KIAA1217: variants seen among roughly 807,000 people sequenced by gnomAD.
KIAA1217 encodes the protein sickle tail protein homolog.
Under a neutral mutation model 163.9 loss-of-function variants are expected in KIAA1217, and 88 were observed. That is an observed-to-expected ratio of 0.54 (90% CI 0.45 to 0.64). The LOEUF is 0.64. Ranked by LOEUF, KIAA1217 falls within the 30% of genes least tolerant of loss-of-function variation. The pLI, the probability that KIAA1217 is intolerant of heterozygous loss-of-function variation, is 0.00. For missense variants in KIAA1217, 2,372 were observed against 2,475.0 expected (o/e 0.96, Z 0.88); for synonymous variants, 903 against 923.1 (o/e 0.98, Z 0.39).
intron 1 of KIAA1217, among the ~76,000 whole-genome samples, chr10:23,915,934 G>T (rs975474034): frequency 2.0e-5 from 3 of 152,154 alleles, no homozygotes; most frequent in African/African-American, 4.8e-5. Context: ...GATTTAGGAG[G>T]TGGAAATTCT....
At chr10:24,356,383 A>G (rs2049108885) in intron 2 of KIAA1217, among the ~76,000 whole-genome samples, 1 of 152,242 alleles carries the variant, frequency 6.6e-6, no homozygotes, top group African/African-American at 2.4e-5. Flanking sequence ...TTCTGACCGC[A>G]GGTCCTTCCC....
intron 2 of KIAA1217, among the ~76,000 whole-genome samples, chr10:24,136,265 G>T (rs1329069977): frequency 6.6e-6 from 1 of 152,124 alleles, no homozygotes; most frequent in Non-Finnish European, 1.5e-5. Flanking sequence ...ATGAGTAATT[G>T]ATGCTTGCAA....
At position 24,473,345 on chromosome 10, in the gene KIAA1217, T is replaced by G. The variant is rs755237138; in HGVS notation, c.964T>G (p.Ser322Ala). 2 of 1,597,900 alleles carry G rather than the reference T, an allele frequency of 1.3e-6. No individual in the cohort carries two copies. The highest frequency in any genetic ancestry group is 2.7e-5 in the African/African-American group (2 of 74,558). Residue 322 changes from serine to alanine, a missense_variant, in exon 6 of 21, where the codon TCC (serine) becomes GCC (alanine). By Grantham distance (99) the Ser-to-Ala change is moderately conservative. Transcript: ENST00000376454. ...CCCACCGTCTACTCCAGTGCCCCAT[T>G]CCATGCCCCCCTCCCCGTCCAGAAT... is the stretch of plus-strand genomic sequence containing the variant. Reference protein sequence around the residue: ...NSPPSTPVPHSMPPSPSRIPY... With the variant: ...NSPPSTPVPHAMPPSPSRIPY...
intron 6 of KIAA1217, among the ~76,000 whole-genome samples, chr10:24,479,508 C>T (rs759881736): frequency 6.6e-6 from 1 of 151,776 alleles, no homozygotes; most frequent in South Asian, 2.1e-4. Context: ...GTTAGCATCT[C>T]GGTAAAGCAG....
intron 1 of KIAA1217, among the ~76,000 whole-genome samples, chr10:23,839,276 G>T (rs1164540355): frequency 6.6e-6 from 1 of 152,052 alleles, no homozygotes; most frequent in Non-Finnish European, 1.5e-5. Context: ...AACCAGTATT[G>T]CTGACAATCT....
chr10:23,982,529 T>TTCC (rs1845810976), intron 1 of KIAA1217, among the ~76,000 whole-genome samples: 1 of 73,568 alleles, frequency 1.4e-5, no homozygotes, highest in East Asian at 4.6e-4. Context: ...TGTTTTTTGT[T>TTCC]TCTCTCTCTC....
At position 24,155,122 on chromosome 10, in the gene KIAA1217, C is replaced by T. The variant is rs758623306; in HGVS notation, c.-170-64504C>T. Reference sequence around the variant, plus strand: ...TGCACTGTACACTTAAAAATGATTACGATGATAAATGTTACGGTATATGTA... The same window carrying T: ...TGCACTGTACACTTAAAAATGATTATGATGATAAATGTTACGGTATATGTA... On this transcript the variant is annotated intron_variant, in intron 2 of 18. Transcript: ENST00000376462. 5.9e-5 allele frequency among the ~76,000 whole-genome samples: 9 copies of T among 152,172 alleles called. No individual in the cohort carries two copies. The South Asian group carries it at 8.3e-4, about 14-fold the overall frequency.
At chr10:23,882,027 T>C (rs1490461380) in intron 1 of KIAA1217, among the ~76,000 whole-genome samples, 1 of 144,868 alleles carries the variant, frequency 6.9e-6, no homozygotes, top group African/African-American at 2.6e-5. Context: ...TTCCGTAAAA[T>C]AGAGTGTCTC....
At chr10:23,821,884 C>G (rs941521473) in intron 1 of KIAA1217, among the ~76,000 whole-genome samples, 3 of 152,130 alleles carry the variant, frequency 2.0e-5, no homozygotes, top group Non-Finnish European at 2.9e-5. Context: ...TGCTGAGATG[C>G]GTGTTGTCCA....
intron 1 of KIAA1217, among the ~76,000 whole-genome samples, chr10:23,888,256 T>G (rs1841267757): frequency 6.6e-6 from 1 of 151,912 alleles, no homozygotes. Context: ...TTTAAGAACT[T>G]GAGCATAACA....
intron 2 of KIAA1217, among the ~76,000 whole-genome samples, chr10:24,041,370 G>C (rs145604042): frequency 6.0e-4 from 91 of 152,312 alleles, no homozygotes; most frequent in African/African-American, 2.1e-3. Flanking sequence ...CTTGAAAAAT[G>C]TGACCCCTTG....
At chr10:24,042,496 G>T (rs1418526942) in intron 2 of KIAA1217, 1 of 152,154 alleles carries the variant, frequency 6.6e-6, no homozygotes, top group Non-Finnish European at 1.5e-5. Context: ...CCACACAAAG[G>T]TAATGTTTGA....
chr10:23,824,636 AAAAAAAAAAAAAAAT>A (rs1290488544), intron 1 of KIAA1217, among the ~76,000 whole-genome samples: 182 of 60,258 alleles, frequency 3.0e-3, no homozygotes, highest in African/African-American at 0.017. Context: ...CTCAAGAAAA[AAAAAAAAAAAAAAAT>A]AAAAAAAATA....
At chr10:24,067,605 G>A (rs1458582355) in intron 2 of KIAA1217, among the ~76,000 whole-genome samples, 1 of 152,228 alleles carries the variant, frequency 6.6e-6, no homozygotes, top group Non-Finnish European at 1.5e-5. Context: ...CCCACTTGAG[G>A]AGGCAGTCTG....
intron 1 of KIAA1217, among the ~76,000 whole-genome samples, chr10:23,719,970 G>A (rs1837780692): frequency 1.3e-5 from 2 of 152,058 alleles, no homozygotes; most frequent in African/African-American, 4.8e-5. Flanking sequence ...GTTCAGAATA[G>A]TTTAATACTA....
intron 9 of KIAA1217, 83 bp downstream of exon 9, chr10:24,501,628 T>A: frequency 7.8e-7 from 1 of 1,282,006 alleles, no homozygotes; most frequent in Non-Finnish European, 1.1e-6. Flanking sequence ...CGTGAAGACC[T>A]AGAGAATGTA....
At chr10:23,857,209 A>G (rs1341873191) in intron 1 of KIAA1217, among the ~76,000 whole-genome samples, 2 of 152,186 alleles carry the variant, frequency 1.3e-5, no homozygotes, top group Non-Finnish European at 2.9e-5. Context: ...GTGAATCCAA[A>G]CCATATCACT....
At chr10:24,531,390 A>T (rs557773037) in intron 14 of KIAA1217, among the ~76,000 whole-genome samples, 10 of 152,170 alleles carry the variant, frequency 6.6e-5, no homozygotes, top group African/African-American at 2.4e-4. Flanking sequence ...TGAGGGATGA[A>T]GTATTTGGAG....
chr10:24,110,929 C>A (rs2062821778), intron 2 of KIAA1217, among the ~76,000 whole-genome samples: 1 of 152,066 alleles, frequency 6.6e-6, no homozygotes, highest in Non-Finnish European at 1.5e-5. Context: ...TCAGTTACGA[C>A]ATATTTTTAG....
Sources: allele counts gnomAD v4.1 joint callset (sites outside exome capture counted in the v4.1 genomes callset), GRCh38; gene constraint gnomAD v4.1.1; transcripts MANE v1.5; gene names NCBI Gene and HGNC (gene_info 2026-07-23, HGNC 2026-07-21).